The following SAMD4A variants were observed in gnomAD, a reference collection of about 807,000 sequenced individuals.
SAMD4A encodes the protein protein Smaug homolog 1.
Under a neutral mutation model 81.3 loss-of-function variants are expected in SAMD4A, and 33 were observed. The ratio of observed to expected loss-of-function variants is 0.41; its 90% CI spans 0.31 to 0.54. SAMD4A has a LOEUF of 0.54. Among genes scored for constraint, SAMD4A ranks in the 20% least tolerant of loss-of-function variants. SAMD4A has a pLI of 0.37. For missense variants in SAMD4A, 854 were observed against 951.1 expected, an observed-to-expected ratio of 0.90 and a Z score of 1.34; for synonymous variants, 389 against 382.1, an observed-to-expected ratio of 1.02 and a Z score of -0.21.
intron 2 of SAMD4A, among the ~76,000 whole-genome samples, chr14:54,592,807 A>G (rs1194009755): frequency 6.6e-6 from 1 of 152,212 alleles, no homozygotes; most frequent in Non-Finnish European, 1.5e-5. Context: ...GAAAATCATC[A>G]TCATTGATCC....
intron 3 of SAMD4A, among the ~76,000 whole-genome samples, chr14:54,729,401 TCTA>T (rs1181300298): frequency 6.6e-6 from 1 of 152,190 alleles, no homozygotes; most frequent in East Asian, 1.9e-4. Context: ...CCTGAGTTTC[TCTA>T]CTATCTCGCT....
At chr14:54,683,826 C>T (rs2036186596) in intron 2 of SAMD4A, among the ~76,000 whole-genome samples, 1 of 152,144 alleles carries the variant, frequency 6.6e-6, no homozygotes, top group Non-Finnish European at 1.5e-5. Context: ...TGGGCACAGT[C>T]TTAGTGAGGG....
intron 10 of SAMD4A, 113 bp downstream of exon 10, chr14:54,775,248 G>C: frequency 8.7e-7 from 1 of 1,152,092 alleles, no homozygotes; most frequent in Non-Finnish European, 1.3e-6. Context: ...ACTATGCTGG[G>C]GGCAGTTGCC....
At chr14:54,722,437 A>G (rs1347356776) in intron 3 of SAMD4A, among the ~76,000 whole-genome samples, 2 of 152,196 alleles carry the variant, frequency 1.3e-5, no homozygotes, top group African/African-American at 4.8e-5. Flanking sequence ...GGGTCCTGCA[A>G]TGCATAGCTC....
intron 8 of SAMD4A, among the ~76,000 whole-genome samples, chr14:54,768,674 A>T (rs2038622798): frequency 6.6e-6 from 1 of 152,250 alleles, no homozygotes. Context: ...GTAGCTGGAC[A>T]TGCAGGGAGC....
In SAMD4A at chr14:54,774,931, C is replaced by G; in HGVS notation, c.1716-3C>G. On this transcript the variant is annotated splice_polypyrimidine_tract_variant and splice_region_variant and intron_variant, in intron 9 of 12. Coordinates refer to ENST00000554335, the MANE Select transcript of SAMD4A (RefSeq NM_015589.6). ...TCTCTTCCTTCTCTCTTGGCTCTCA[C>G]AGTCGAGGCTTTGGGCAATCCAACT... 1 of 1,614,132 alleles carries G rather than the reference C, an allele frequency of 6.2e-7. No individual in the cohort carries two copies. Among genetic ancestry groups the G allele is most frequent in the Non-Finnish European group, 8.5e-7 (1 of 1,180,026 alleles).
At chr14:54,697,335 T>C (rs73271589) in intron 2 of SAMD4A, among the ~76,000 whole-genome samples, 51 of 152,306 alleles carry the variant, frequency 3.3e-4, no homozygotes, top group African/African-American at 1.2e-3. Flanking sequence ...TCCAAGTCCA[T>C]ATAATCAGCA....
chr14:54,683,946 A>T (rs2140593310), intron 2 of SAMD4A, among the ~76,000 whole-genome samples: 1 of 152,328 alleles, frequency 6.6e-6, no homozygotes, highest in Non-Finnish European at 1.5e-5. Context: ...TGCCATAGAA[A>T]AGAGTTTTCC....
At chr14:54,655,455 G>A (rs1397534644) in intron 2 of SAMD4A, among the ~76,000 whole-genome samples, 1 of 152,170 alleles carries the variant, frequency 6.6e-6, no homozygotes, top group Non-Finnish European at 1.5e-5. Context: ...CCAGGAGCCG[G>A]GCGCAGTGGC....
intron 8 of SAMD4A, among the ~76,000 whole-genome samples, chr14:54,767,892 CT>C (rs1464939775): frequency 3.9e-5 from 6 of 152,224 alleles, no homozygotes; most frequent in African/African-American, 1.4e-4. Flanking sequence ...TCACTCAGCA[CT>C]GCTAATGGGC....
At chr14:54,723,761 C>T (rs539926703) in intron 3 of SAMD4A, among the ~76,000 whole-genome samples, 3 of 152,262 alleles carry the variant, frequency 2.0e-5, no homozygotes, top group East Asian at 3.9e-4. Context: ...TATGAATGCT[C>T]TTTTTGGCAT....
At chr14:54,717,895 T>TC (rs2037162247) in intron 3 of SAMD4A, among the ~76,000 whole-genome samples, 1 of 151,892 alleles carries the variant, frequency 6.6e-6, no homozygotes, top group African/African-American at 2.4e-5. Context: ...TTTTTTTTTT[T>TC]TTTTTTGCTC....
chr14:54,637,343 C>T (rs2035057330), intron 2 of SAMD4A, among the ~76,000 whole-genome samples: 1 of 103,948 alleles, frequency 9.6e-6, no homozygotes, highest in Non-Finnish European at 1.8e-5. Context: ...CCAGCCTGGG[C>T]AACAAGAGCG....
intron 3 of SAMD4A, among the ~76,000 whole-genome samples, chr14:54,713,105 AT>A (rs199746231): frequency 4.0e-5 from 6 of 151,618 alleles, no homozygotes; most frequent in Admixed American, 2.0e-4. Flanking sequence ...GCATTTACTG[AT>A]TTTTTTTTCT....
rs1279057518 is a variant in SAMD4A at position 54,791,045 on chromosome 14, A to G, written c.*2101A>G. 6.6e-6 allele frequency: 1 copy of G among 152,230 alleles called. No homozygotes were observed. Among genetic ancestry groups the G allele is most frequent in the African/African-American group, 2.4e-5 (1 of 41,458 alleles). The allele number at this position is 152,230 out of a possible 1,614,324, so 9.4% of individuals were successfully genotyped here. On this transcript the variant is annotated 3_prime_UTR_variant, in exon 13 of 13. Transcript: ENST00000554335. Reference sequence around the variant, plus strand: ...GTTCTAAAGATGCAAATCCATGTGCAGAAAGAGATGGCATTTTTTAGTTGA... The same window carrying G: ...GTTCTAAAGATGCAAATCCATGTGCGGAAAGAGATGGCATTTTTTAGTTGA...
chr14:54,624,610 C>G (rs2034701558), intron 2 of SAMD4A, among the ~76,000 whole-genome samples: 1 of 152,238 alleles, frequency 6.6e-6, no homozygotes, highest in African/African-American at 2.4e-5. Context: ...TAAATGCTGT[C>G]TCCTCTCTGA....
intron 12 of SAMD4A, among the ~76,000 whole-genome samples, 162 bp from the exon 13 acceptor site, chr14:54,788,754 A>C (rs1431109605): frequency 1.3e-5 from 2 of 152,196 alleles, no homozygotes; most frequent in African/African-American, 4.8e-5. Flanking sequence ...TGTTCCCCAG[A>C]TATCATGTGG....
rs112737033 is a variant in SAMD4A, at chr14:54,586,088, C to T, written c.196+17976C>T. Among the ~76,000 whole-genome samples the T allele has an allele frequency of 6.9e-3, 1,048 of 152,112 alleles. 11 individuals are homozygous for T. The highest frequency in any genetic ancestry group is 0.023 in the African/African-American group (973 of 41,516). ...AAAGTGTTCCCTTTTCACCACATCC[C>T]CGCCAATATCTGTTTTTATTTTTTT... On this transcript the variant is annotated intron_variant, in intron 2 of 12. Transcript: ENST00000554335.
chr14:54,621,811 C>G (rs1486623652), intron 2 of SAMD4A, among the ~76,000 whole-genome samples: 1 of 152,122 alleles, frequency 6.6e-6, no homozygotes, highest in East Asian at 1.9e-4. Context: ...AGATAAAAGG[C>G]AAAATCTTCT....
Sources: gnomAD v4.1 joint callset for allele counts (sites outside exome capture counted in the v4.1 genomes callset) on GRCh38, gnomAD v4.1.1 for gene constraint, MANE v1.5 for transcripts, NCBI Gene and HGNC (gene_info 2026-07-23, HGNC 2026-07-21) for gene names.